Variants in THG1L observed in about 807,000 individuals in gnomAD.
THG1L encodes tRNA-histidine guanylyltransferase 1 like.
Under a neutral mutation model 35.2 loss-of-function variants are expected in THG1L, and 27 were observed. The ratio of observed to expected loss-of-function variants is 0.77; its 90% CI spans 0.57 to 1.06. The LOEUF is 1.06. Ranked by LOEUF, THG1L falls within the 50% of genes least tolerant of loss-of-function variation. The pLI is 0.00. For missense variants in THG1L, 377 were observed against 371.8 expected, an observed-to-expected ratio of 1.01 and a Z score of -0.12; for synonymous variants, 135 against 132.4, an observed-to-expected ratio of 1.02 and a Z score of -0.14.
chr5:157,736,044 A>G, intron 4 of THG1L, 110 bp downstream of exon 4: 7 of 725,450 alleles, frequency 9.6e-6, no homozygotes, highest in East Asian at 2.9e-5. Flanking sequence ...ATCCCTGTAC[A>G]GCTTTGTTTT....
intron 1 of THG1L, 66 bp downstream of exon 1, chr5:157,731,697 T>G (rs953155665): frequency 6.5e-7 from 1 of 1,527,936 alleles, no homozygotes; most frequent in Non-Finnish European, 8.8e-7. Context: ...CTTCTTCCCT[T>G]GCAAGTCCTC....
chr5:157,734,248 C>T (rs1410042758), intron 2 of THG1L, among the ~76,000 whole-genome samples: 2 of 151,980 alleles, frequency 1.3e-5, no homozygotes, highest in Non-Finnish European at 1.5e-5. Flanking sequence ...ATTAGCTGGG[C>T]GTAGTGGCCT....
intron 5 of THG1L, 64 bp from the exon 6 acceptor site, chr5:157,739,257 C>T: frequency 6.5e-7 from 1 of 1,543,288 alleles, no homozygotes. Flanking sequence ...ATCCCCACAT[C>T]TTTCCTTTCT....
intron 2 of THG1L, among the ~76,000 whole-genome samples, chr5:157,734,125 C>T (rs144344065): frequency 3.9e-5 from 6 of 152,084 alleles, no homozygotes; most frequent in Admixed American, 3.9e-4. Context: ...TGATGACTCA[C>T]GCCTGTAATC....
intron 1 of THG1L, among the ~76,000 whole-genome samples, chr5:157,732,190 T>G (rs1258967235): frequency 7.4e-5 from 10 of 135,208 alleles, no homozygotes; most frequent in South Asian, 6.8e-4. Context: ...TTTCTGTGGT[T>G]GTTGTTTGTG....
intron 2 of THG1L, among the ~76,000 whole-genome samples, chr5:157,733,886 C>G (rs1760796782): frequency 6.6e-6 from 1 of 152,030 alleles, no homozygotes; most frequent in South Asian, 2.1e-4. Context: ...GCAGGAGGAT[C>G]CATTGAGCCA....
Position 157,739,668 on chromosome 5 carries a change from C to T in THG1L, c.*186C>T. 1.9e-6 allele frequency: 1 copy of T among 519,772 alleles called. No individual in the cohort carries two copies. The highest frequency in any genetic ancestry group is 3.1e-6 in the Non-Finnish European group (1 of 322,908). The allele number at this position is 519,772 out of a possible 1,614,324, so 32.2% of individuals were successfully genotyped here. ...GGTGGTGTATCTTACTCTGTTTAAG[C>T]AGAACACCTTGTTTGCGGTGTTGGA... On this transcript the variant is annotated 3_prime_UTR_variant, in exon 6 of 6. Transcript: ENST00000231198.
chr5:157,740,902 C>CAAAAAA lies in THG1L; in HGVS notation c.*1431_*1436dup, dbSNP rs376120882. The CAAAAAA allele has an allele frequency of 8.6e-6, 1 of 116,618 alleles. No individual in the cohort carries two copies. The allele number at this position is 116,618 out of a possible 1,614,324, so 7.2% of individuals were successfully genotyped here. On this transcript the variant is annotated 3_prime_UTR_variant, in exon 6 of 6. Coordinates refer to ENST00000231198, the MANE Select transcript of THG1L (RefSeq NM_017872.5). Reference sequence around the variant, plus strand: ...CTGGGCAACGAGCGAAACTACATCTCAAAAAAAAAAAAAAAAGACATGGCT... The same window carrying CAAAAAA: ...CTGGGCAACGAGCGAAACTACATCTCAAAAAAAAAAAAAAAAAAAAAAGACATGGCT...
intron 5 of THG1L, chr5:157,738,765 G>T: frequency 3.3e-6 from 1 of 304,650 alleles, no homozygotes; most frequent in Non-Finnish European, 6.3e-6. Context: ...TATAGTTATT[G>T]CTAATGAGGA....
chr5:157,734,577 A>G lies in THG1L; in HGVS notation c.370A>G (p.Lys124Glu). The G allele has an allele frequency of 6.2e-7, 1 of 1,613,914 alleles. No individual in the cohort carries two copies. Among genetic ancestry groups the G allele is most frequent in the Non-Finnish European group, 8.5e-7 (1 of 1,179,872 alleles). Reference protein sequence around the residue: ...KTNWFKRRASKFMTHVASQFA... With the variant: ...KTNWFKRRASEFMTHVASQFA... ...CCCAATGTGCGTTACATTTTCAAGT[A>G]AGTTCATGACTCACGTGGCCTCCCA... Residue 124 changes from lysine to glutamate, a missense_variant and splice_region_variant, in exon 3 of 6, where the codon AAG becomes GAG. Lys to Glu is a moderately conservative substitution (Grantham distance 56, BLOSUM62 1). Coordinates refer to ENST00000231198, the MANE Select transcript of THG1L (RefSeq NM_017872.5).
Position 157,731,572 on chromosome 5 carries a change from C to G in THG1L, c.132C>G (p.Asp44Glu). Reference protein sequence around the residue: ...KFEYVRDFEADDTCLAHCWVV... With the variant: ...KFEYVRDFEAEDTCLAHCWVV... ...AGTACGTGAGGGACTTCGAGGCTGA[C>G]GACACCTGCCTGGCACACTGCTGGG... The change falls in exon 1 of 6, where the codon GAC (aspartate) becomes GAG (glutamate). Residue 44 changes from aspartate (D) to glutamate (E), a missense_variant. Physicochemically the swap from Asp to Glu is conservative, Grantham distance 45. Coordinates refer to ENST00000231198, the MANE Select transcript of THG1L (RefSeq NM_017872.5). 1 of 1,611,592 alleles carries G rather than the reference C, an allele frequency of 6.2e-7. No homozygotes were observed. Among genetic ancestry groups the G allele is most frequent in the Non-Finnish European group, 8.5e-7 (1 of 1,178,826 alleles).
At chr5:157,735,727 G>A (rs1760853768) in intron 3 of THG1L, 119 bp from the exon 4 acceptor site, 9 of 671,308 alleles carry the variant, frequency 1.3e-5, no homozygotes, top group Non-Finnish European at 2.2e-5. Flanking sequence ...GTCACTGAAT[G>A]TCTCTGAGAT....
rs186602339 is a variant in THG1L at position 157,738,221 on chromosome 5, C to G, written c.735+227C>G. The stretch of plus-strand genomic sequence containing the variant: ...GAATTACAGAATTTTAGAATTAGTG[C>G]CTTTATTTTTCTGTGTTGTAAGCTG... On this transcript the variant is annotated intron_variant, in intron 5 of 5. Coordinates refer to ENST00000231198, the MANE Select transcript of THG1L (RefSeq NM_017872.5). Among the ~76,000 whole-genome samples the G allele has an allele frequency of 3.0e-4, 45 of 152,208 alleles. No individual in the cohort carries two copies. In the South Asian group the frequency reaches 8.1e-3, roughly 27 times the overall value.
At chr5:157,732,272 G>A (rs1581437298) in intron 1 of THG1L, among the ~76,000 whole-genome samples, 2 of 133,548 alleles carry the variant, frequency 1.5e-5, no homozygotes, top group African/African-American at 2.8e-5. Context: ...AGAAGGAAGA[G>A]AGAAAGAAAG....
intron 3 of THG1L, among the ~76,000 whole-genome samples, chr5:157,735,346 C>G (rs572929445): frequency 6.6e-6 from 1 of 152,344 alleles, no homozygotes; most frequent in Non-Finnish European, 1.5e-5. Context: ...CACACACACA[C>G]ACACACAAAT....
chr5:157,735,095 G>A (rs1233386903), intron 3 of THG1L, among the ~76,000 whole-genome samples: 2 of 151,962 alleles, frequency 1.3e-5, no homozygotes, highest in East Asian at 1.9e-4. Flanking sequence ...GTGCCACCAC[G>A]CCCGGCTGAT....
rs1761020945 is a variant in THG1L at position 157,740,846 on chromosome 5, G to A, written c.*1364G>A. On this transcript the variant is annotated 3_prime_UTR_variant, in exon 6 of 6. Transcript: ENST00000231198. ...TTGAACTCAGGAGGCGGAAGTTGCG[G>A]TGAGCCAAGATTGTGCCATTGCACT... is the stretch of plus-strand genomic sequence containing the variant. 6.6e-6 allele frequency: 1 copy of A among 150,756 alleles called. No homozygotes were observed. The highest frequency in any genetic ancestry group is 2.4e-5 in the African/African-American group (1 of 40,866). 9.3% of individuals were successfully genotyped at this position (150,756 alleles called of 1,614,324 possible).
chr5:157,733,054 T>C lies in THG1L; in HGVS notation c.368+10T>C. 1.2e-6 allele frequency: 2 copies of C among 1,613,378 alleles called. No homozygotes were observed. The highest frequency in any genetic ancestry group is 1.7e-6 in the Non-Finnish European group (2 of 1,179,372). On this transcript the variant is annotated intron_variant, in intron 2 of 5. Coordinates refer to ENST00000231198, the MANE Select transcript of THG1L (RefSeq NM_017872.5). ...TTAAAAGAAGAGCCAGGTAATTCCA[T>C]GACCTAACTCCTTTCTTCAGAATAT...
At chr5:157,739,210 C>A in intron 5 of THG1L, 111 bp from the exon 6 acceptor site, 1 of 930,294 alleles carries the variant, frequency 1.1e-6, no homozygotes, top group Non-Finnish European at 1.6e-6. Context: ...TATCTCAAAT[C>A]TGGCAGTCGG....
Sources: gnomAD v4.1 joint callset for allele counts (sites outside exome capture counted in the v4.1 genomes callset) on GRCh38, gnomAD v4.1.1 for gene constraint, MANE v1.5 for transcripts, NCBI Gene and HGNC (gene_info 2026-07-23, HGNC 2026-07-21) for gene names.